DNM3: variants seen among roughly 807,000 people sequenced by gnomAD.
The protein encoded by DNM3 is dynamin 3.
In DNM3, 47 loss-of-function variants were observed where a neutral mutation model predicts 101.6. That is an observed-to-expected ratio of 0.46 (90% CI 0.37 to 0.59). The LOEUF is 0.59. DNM3 is among the 20% of genes least tolerant of loss of function. The pLI, the probability that DNM3 is intolerant of heterozygous loss-of-function variation, is 0.00. For synonymous variants in DNM3, 385 were observed against 387.9 expected, an observed-to-expected ratio of 0.99 and a Z score of 0.09; for missense variants, 849 against 1,085.7, an observed-to-expected ratio of 0.78 and a Z score of 3.06.
Position 172,044,289 on chromosome 1 carries a change from T to C in DNM3, c.1129-96T>C, listed in dbSNP as rs1414387686. 4 of 1,030,148 alleles carry C rather than the reference T, an allele frequency of 3.9e-6. No individual in the cohort carries two copies. In the African/African-American group the frequency reaches 4.8e-5, roughly 12 times the overall value. 63.8% of individuals were successfully genotyped at this position (1,030,148 alleles called of 1,614,324 possible). A position where few individuals can be genotyped will look rare whatever the true frequency, so the allele number is the denominator to read the frequency against. On this transcript the variant is annotated intron_variant, in intron 8 of 20. Transcript: ENST00000627582. ...TAGGAAAGACATGAGTATCCACTTA[T>C]TAATAATGAAGTCAAGTTATTCTCA...
chr1:171,852,700 A>T (rs2033117354), intron 1 of DNM3, among the ~76,000 whole-genome samples: 1 of 152,220 alleles, frequency 6.6e-6, no homozygotes, highest in Non-Finnish European at 1.5e-5. Flanking sequence ...TGTTACAGGC[A>T]GATAGACTTA....
intron 13 of DNM3, among the ~76,000 whole-genome samples, chr1:172,122,628 G>C (rs1370059292): frequency 6.6e-6 from 1 of 152,142 alleles, no homozygotes; most frequent in Non-Finnish European, 1.5e-5. Flanking sequence ...TCAGTTTCCT[G>C]TTAGGAAAAT....
intron 13 of DNM3, among the ~76,000 whole-genome samples, chr1:172,111,169 A>G (rs1222890590): frequency 6.6e-6 from 1 of 152,266 alleles, no homozygotes; most frequent in African/African-American, 2.4e-5. Flanking sequence ...GACTTATATT[A>G]AAACCCTAGC....
intron 10 of DNM3, among the ~76,000 whole-genome samples, chr1:172,052,332 T>G (rs2050261707): frequency 6.6e-6 from 1 of 152,156 alleles, no homozygotes. Context: ...TAGCCTTTTA[T>G]TTCCTGAATC....
chr1:172,127,910 C>T (rs914633120), intron 13 of DNM3, among the ~76,000 whole-genome samples: 2 of 151,964 alleles, frequency 1.3e-5, no homozygotes, highest in African/African-American at 4.8e-5. Flanking sequence ...TTTTTGTTTC[C>T]CATTCACTTT....
intron 15 of DNM3, among the ~76,000 whole-genome samples, chr1:172,304,018 C>G (rs186941383): frequency 1.3e-5 from 2 of 151,858 alleles, no homozygotes; most frequent in East Asian, 3.9e-4. Context: ...GGATCAGAGT[C>G]AGACATAACA....
chr1:172,020,765 T>C (rs1440216168), intron 4 of DNM3, among the ~76,000 whole-genome samples: 1 of 149,736 alleles, frequency 6.7e-6, no homozygotes, highest in Non-Finnish European at 1.5e-5. Context: ...TTGTGGGATA[T>C]TTCCAGTTGA....
At chr1:172,415,282 T>G (rs2071387936), downstream of DNM3, 1 of 152,154 alleles carries the variant, frequency 6.6e-6, no homozygotes, top group South Asian at 2.1e-4. Context: ...TTCAGATAAT[T>G]TTATACCTTA....
chr1:172,046,441 A>G (rs553657517), intron 9 of DNM3, among the ~76,000 whole-genome samples: 1 of 152,190 alleles, frequency 6.6e-6, no homozygotes, highest in Admixed American at 6.5e-5. Flanking sequence ...GCATTAGGAG[A>G]TATACCTAAT....
intron 14 of DNM3, among the ~76,000 whole-genome samples, chr1:172,158,557 A>AT (rs35515222): frequency 0.58 from 87,817 of 151,672 alleles, 26,570 homozygotes; most frequent in African/African-American, 0.77. Flanking sequence ...AATGAGTGAG[A>AT]TGGATGATGG....
At chr1:172,283,759 C>CAAAA (rs769812358) in intron 15 of DNM3, among the ~76,000 whole-genome samples, 86 of 39,390 alleles carry the variant, frequency 2.2e-3, no homozygotes, top group Admixed American at 3.8e-3. Flanking sequence ...GACTCCATCT[C>CAAAA]AAAAAAAAAA....
intron 3 of DNM3, 50 bp downstream of exon 3, chr1:171,987,855 A>G (rs1453810247): frequency 3.4e-6 from 5 of 1,455,322 alleles, no homozygotes; most frequent in Non-Finnish European, 4.6e-6. Flanking sequence ...CATTTATACT[A>G]CATTAATTAA....
chr1:171,882,430 TACAC>T (rs34753464), intron 1 of DNM3, among the ~76,000 whole-genome samples: 61,074 of 145,132 alleles, frequency 0.42, 12,608 homozygotes, highest in South Asian at 0.55. Context: ...TCTCTCTCTA[TACAC>T]ACACACACAC....
intron 14 of DNM3, among the ~76,000 whole-genome samples, chr1:172,196,354 G>A (rs1402183865): frequency 6.6e-6 from 1 of 151,996 alleles, no homozygotes; most frequent in East Asian, 1.9e-4. Flanking sequence ...TGTGTATAGT[G>A]CTGCAGTGAA....
intron 14 of DNM3, among the ~76,000 whole-genome samples, chr1:172,252,620 T>C (rs879928639): frequency 5.3e-5 from 8 of 152,134 alleles, no homozygotes; most frequent in Admixed American, 3.3e-4. Flanking sequence ...CAGAGGACCA[T>C]GGTTAACAAG....
At chr1:172,181,529 A>C (rs1489080310) in intron 14 of DNM3, among the ~76,000 whole-genome samples, 1 of 152,028 alleles carries the variant, frequency 6.6e-6, no homozygotes, top group African/African-American at 2.4e-5. Flanking sequence ...ATTAAACAGA[A>C]ACGAACTATG....
Position 172,077,371 on chromosome 1 carries a change from C to T in DNM3, c.1423-4461C>T, listed in dbSNP as rs765802028. Among the ~76,000 whole-genome samples the T allele has an allele frequency of 4.0e-4, 61 of 151,822 alleles. 1 individual carries two copies. The highest frequency in any genetic ancestry group is 6.0e-4 in the Non-Finnish European group (41 of 67,908). ...TGTCTTCTGTTACCTTTTGCGTTTG[C>T]CCTTGCTTCTCTTGTTCTTTTAATT... On this transcript the variant is annotated intron_variant, in intron 11 of 20. Transcript: ENST00000627582.
At chr1:171,884,536 T>G (rs1260463409) in intron 1 of DNM3, among the ~76,000 whole-genome samples, 1 of 152,218 alleles carries the variant, frequency 6.6e-6, no homozygotes, top group Non-Finnish European at 1.5e-5. Context: ...ACCCCAAAAC[T>G]TAGTGGCTTA....
intron 4 of DNM3, among the ~76,000 whole-genome samples, chr1:172,024,670 G>C (rs777417058): frequency 6.6e-6 from 1 of 152,226 alleles, no homozygotes; most frequent in Admixed American, 6.5e-5. Context: ...AGCAGGATGG[G>C]GTGTTGCCTC....
Sources: allele counts gnomAD v4.1 joint callset (sites outside exome capture counted in the v4.1 genomes callset), GRCh38; gene constraint gnomAD v4.1.1; transcripts MANE v1.5; gene names NCBI Gene and HGNC (gene_info 2026-07-23, HGNC 2026-07-21).